CDH13: variants seen among roughly 807,000 people sequenced by gnomAD.
The protein encoded by CDH13 is cadherin 13.
In CDH13, 24 loss-of-function variants were observed where a neutral mutation model predicts 63.8. That is an observed-to-expected ratio of 0.38 (90% CI 0.27 to 0.53). The LOEUF (loss-of-function observed/expected upper bound fraction) is 0.53. CDH13 is among the 20% of genes least tolerant of loss of function. The pLI, the probability that CDH13 is intolerant of heterozygous loss-of-function variation, is 0.85. For missense variants in CDH13, 1,049 were observed against 903.1 expected, an observed-to-expected ratio of 1.16 and a Z score of -2.07; for synonymous variants, 503 against 355.3, an observed-to-expected ratio of 1.42 and a Z score of -4.67.
intron 1 of CDH13, among the ~76,000 whole-genome samples, chr16:82,843,413 G>A (rs768056074): frequency 1.3e-5 from 2 of 152,128 alleles, no homozygotes; most frequent in Non-Finnish European, 2.9e-5. Context: ...TGTCTACCAG[G>A]CAGTTAGATT....
At chr16:83,033,197 A>T (rs1916534292) in intron 3 of CDH13, among the ~76,000 whole-genome samples, 1 of 151,766 alleles carries the variant, frequency 6.6e-6, no homozygotes, top group Non-Finnish European at 1.5e-5. Context: ...TGCCCAACCT[A>T]CTCATGCTCC....
intron 3 of CDH13, among the ~76,000 whole-genome samples, chr16:83,082,075 C>T (rs1223993482): frequency 2.6e-5 from 4 of 152,184 alleles, no homozygotes; most frequent in Admixed American, 2.6e-4. Context: ...GCTGGGATTA[C>T]AGGCCTGAGC....
chr16:82,936,481 T>A (rs925333827), intron 2 of CDH13, among the ~76,000 whole-genome samples: 1 of 151,974 alleles, frequency 6.6e-6, no homozygotes, highest in African/African-American at 2.4e-5. Flanking sequence ...ACTTTCCCCA[T>A]CCCATGAAAA....
At chr16:83,165,082 A>AG (rs1443023141) in intron 4 of CDH13, among the ~76,000 whole-genome samples, 4 of 107,194 alleles carry the variant, frequency 3.7e-5, no homozygotes, top group African/African-American at 1.0e-4. Context: ...TAGAAGCAGG[A>AG]GAAAAAAAAA....
chr16:82,944,536 C>G (rs1359028417), intron 2 of CDH13, among the ~76,000 whole-genome samples: 2 of 152,052 alleles, frequency 1.3e-5, no homozygotes, highest in Non-Finnish European at 2.9e-5. Context: ...TTTGTTGTGA[C>G]AGTGTGGACC....
At chr16:83,492,142 A>G (rs1421277263) in intron 7 of CDH13, among the ~76,000 whole-genome samples, 2 of 152,184 alleles carry the variant, frequency 1.3e-5, no homozygotes, top group Non-Finnish European at 2.9e-5. Context: ...ATGCATCTCC[A>G]GAAACATACT....
intron 7 of CDH13, among the ~76,000 whole-genome samples, chr16:83,571,995 A>T (rs577184843): frequency 6.6e-6 from 1 of 152,146 alleles, no homozygotes; most frequent in Non-Finnish European, 1.5e-5. Context: ...TTTGTCATCT[A>T]TGAAGTGTGT....
intron 1 of CDH13, among the ~76,000 whole-genome samples, chr16:82,734,581 T>G (rs532963281): frequency 3.3e-5 from 5 of 152,092 alleles, no homozygotes; most frequent in Non-Finnish European, 7.4e-5. Flanking sequence ...CTGTCTTAGG[T>G]TGAAGAAGCA....
intron 7 of CDH13, among the ~76,000 whole-genome samples, chr16:83,502,876 G>A (rs569041445): frequency 4.6e-5 from 7 of 152,210 alleles, no homozygotes; most frequent in Non-Finnish European, 8.8e-5. Context: ...CATCTCCATC[G>A]ACAGTGGGGT....
At chr16:83,106,896 A>AATT (rs149848723) in intron 3 of CDH13, among the ~76,000 whole-genome samples, 42 of 150,906 alleles carry the variant, frequency 2.8e-4, no homozygotes, top group African/African-American at 8.8e-4. Flanking sequence ...TATGTGGATG[A>AATT]TTTTTTTTTT....
chr16:83,658,978 C>G lies in CDH13; in HGVS notation c.1102-11812C>G, dbSNP rs554100502. Among the ~76,000 whole-genome samples, 6 of 146,746 alleles carry G rather than the reference C, an allele frequency of 4.1e-5. No individual in the cohort carries two copies. In the East Asian group the frequency reaches 1.3e-3, roughly 31 times the overall value. On this transcript the variant is annotated intron_variant, in intron 8 of 13. Transcript: ENST00000567109. ...GGTCCCGTATCCTCACCAGCAAGGT[C>G]CCATGTCCTCACCACCAGGTCCCAT...
chr16:83,212,331 G>C (rs191192510), intron 4 of CDH13, among the ~76,000 whole-genome samples: 154 of 152,304 alleles, frequency 1.0e-3, no homozygotes, highest in Non-Finnish European at 1.8e-3. Flanking sequence ...AGAAGCCAGA[G>C]AGGTGGTGGG....
At chr16:83,292,707 C>T (rs1001555797) in intron 5 of CDH13, among the ~76,000 whole-genome samples, 4 of 152,114 alleles carry the variant, frequency 2.6e-5, no homozygotes, top group Non-Finnish European at 5.9e-5. Flanking sequence ...TTAAAAACAA[C>T]AACCATGATC....
At chr16:83,521,884 A>C (rs1296884415) in intron 7 of CDH13, among the ~76,000 whole-genome samples, 2 of 152,240 alleles carry the variant, frequency 1.3e-5, no homozygotes, top group Non-Finnish European at 2.9e-5. Flanking sequence ...TACAGGGCAA[A>C]TCATCCTACT....
At chr16:83,686,259 A>T (rs576986653) in intron 10 of CDH13, among the ~76,000 whole-genome samples, 5 of 152,344 alleles carry the variant, frequency 3.3e-5, no homozygotes, top group Admixed American at 2.6e-4. Context: ...AATCCTTGAC[A>T]TCATTGTCCA....
chr16:83,159,182 T>C (rs2037342101), intron 4 of CDH13, among the ~76,000 whole-genome samples: 1 of 152,100 alleles, frequency 6.6e-6, no homozygotes, highest in Non-Finnish European at 1.5e-5. Flanking sequence ...CTTTTAAAAA[T>C]ACCCTGGGGG....
intron 4 of CDH13, among the ~76,000 whole-genome samples, chr16:83,204,199 G>C (rs986520034): frequency 6.6e-6 from 1 of 152,174 alleles, no homozygotes; most frequent in African/African-American, 2.4e-5. Context: ...ACCCAACTCA[G>C]GACACGCTTA....
At chr16:83,336,290 G>T (rs2090594625) in intron 5 of CDH13, among the ~76,000 whole-genome samples, 1 of 119,540 alleles carries the variant, frequency 8.4e-6, no homozygotes, top group Non-Finnish European at 1.7e-5. Flanking sequence ...GACAGAGCAA[G>T]ACTCCATCTC....
chr16:82,812,160 G>A (rs1360062833), intron 1 of CDH13, among the ~76,000 whole-genome samples: 2 of 152,112 alleles, frequency 1.3e-5, no homozygotes. Flanking sequence ...CCAACAGACT[G>A]CCTTTAGAAA....
Sources: gnomAD v4.1 joint callset for allele counts (sites outside exome capture counted in the v4.1 genomes callset) on GRCh38, gnomAD v4.1.1 for gene constraint, MANE v1.5 for transcripts, NCBI Gene and HGNC (gene_info 2026-07-23, HGNC 2026-07-21) for gene names.